Variants in GPC5 observed in about 807,000 individuals in gnomAD.
GPC5 encodes glypican-5.
A neutral mutation model predicts 53.9 loss-of-function variants in GPC5; 47 were observed. The observed-to-expected ratio is 0.87, with a 90% confidence interval of 0.69 to 1.11. GPC5 has a LOEUF of 1.11. GPC5 is among the 50% of genes most tolerant of loss of function. GPC5 has a pLI of 0.00. For missense variants in GPC5, 748 were observed against 713.1 expected (o/e 1.05, Z -0.56); for synonymous variants, 286 against 263.3 (o/e 1.09, Z -0.84).
chr13:92,758,490 G>C (rs1268129782), intron 7 of GPC5, among the ~76,000 whole-genome samples: 1 of 151,842 alleles, frequency 6.6e-6, no homozygotes, highest in Non-Finnish European at 1.5e-5. Flanking sequence ...ATAAAAAAAA[G>C]AATATTTTCT....
At chr13:92,535,225 T>C (rs750087138) in intron 7 of GPC5, among the ~76,000 whole-genome samples, 1 of 152,136 alleles carries the variant, frequency 6.6e-6, no homozygotes, top group African/African-American at 2.4e-5. Flanking sequence ...TGAGTCCATA[T>C]GTTTCTCATG....
intron 7 of GPC5, among the ~76,000 whole-genome samples, chr13:92,769,699 G>A (rs895261079): frequency 2.6e-5 from 4 of 152,186 alleles, no homozygotes; most frequent in Non-Finnish European, 5.9e-5. Flanking sequence ...CCATCCAGAT[G>A]TCAGAGAATG....
intron 7 of GPC5, among the ~76,000 whole-genome samples, chr13:92,770,869 G>A (rs1291332027): frequency 6.6e-6 from 1 of 152,152 alleles, no homozygotes; most frequent in Admixed American, 6.5e-5. Flanking sequence ...TGCCTGCGAG[G>A]TGTGGATAAA....
chr13:91,412,022 C>G (rs541164250), intron 1 of GPC5, among the ~76,000 whole-genome samples: 1 of 152,238 alleles, frequency 6.6e-6, no homozygotes, highest in Non-Finnish European at 1.5e-5. Flanking sequence ...CTTCCCCACC[C>G]TTTCCTCTTA....
intron 2 of GPC5, among the ~76,000 whole-genome samples, chr13:91,517,324 G>A (rs372842218): frequency 2.6e-5 from 4 of 152,010 alleles, no homozygotes; most frequent in South Asian, 4.2e-4. Context: ...CTTCCACCAC[G>A]CAAAGTGAAT....
At chr13:91,810,888 T>C (rs1489828325) in intron 5 of GPC5, among the ~76,000 whole-genome samples, 1 of 151,510 alleles carries the variant, frequency 6.6e-6, no homozygotes. Flanking sequence ...GGAACACCTT[T>C]CTTATTTCTT....
At chr13:92,008,086 G>A (rs2040624181) in intron 6 of GPC5, among the ~76,000 whole-genome samples, 2 of 136,788 alleles carry the variant, frequency 1.5e-5, no homozygotes, top group African/African-American at 2.6e-5. Flanking sequence ...TTTTTGAGAC[G>A]GAGTCTCGCT....
At position 92,645,590 on chromosome 13, in the gene GPC5, A is replaced by G. The variant is rs570043441; in HGVS notation, c.1562-220692A>G. Among the ~76,000 whole-genome samples, 12 of 152,330 alleles carry G rather than the reference A, an allele frequency of 7.9e-5. No individual in the cohort carries two copies. The South Asian group carries it at 2.5e-3, about 32-fold the overall frequency. On this transcript the variant is annotated intron_variant, in intron 7 of 7. Coordinates refer to ENST00000377067, the MANE Select transcript of GPC5 (RefSeq NM_004466.6). The stretch of plus-strand genomic sequence containing the variant: ...ATACAATAAGTGCATGTATGAATTT[A>G]TAACATAAAGTGCTAATCTGTTTTC...
intron 6 of GPC5, among the ~76,000 whole-genome samples, chr13:91,921,842 T>G (rs989762475): frequency 1.3e-5 from 2 of 151,288 alleles, no homozygotes; most frequent in South Asian, 4.2e-4. Flanking sequence ...GATGTGTGCC[T>G]GTAGTCCTAT....
chr13:92,736,484 G>A (rs976573900), intron 7 of GPC5, among the ~76,000 whole-genome samples: 5 of 151,750 alleles, frequency 3.3e-5, no homozygotes, highest in Non-Finnish European at 4.4e-5. Flanking sequence ...CTCCTTGTTC[G>A]AATCATTTTC....
At chr13:91,860,834 T>C (rs2039019990) in intron 5 of GPC5, among the ~76,000 whole-genome samples, 1 of 152,178 alleles carries the variant, frequency 6.6e-6, no homozygotes, top group Non-Finnish European at 1.5e-5. Flanking sequence ...CACTCATCTG[T>C]TGTTGGACCC....
At chr13:91,402,876 A>G (rs1419344871) in intron 1 of GPC5, among the ~76,000 whole-genome samples, 5 of 152,242 alleles carry the variant, frequency 3.3e-5, no homozygotes, top group Non-Finnish European at 7.3e-5. Context: ...CCGTTACATT[A>G]TGGTGAATAT....
chr13:91,448,890 T>G lies in GPC5; in HGVS notation c.293T>G (p.Phe98Cys). The G allele has an allele frequency of 6.2e-7, 1 of 1,613,366 alleles. No individual in the cohort carries two copies. The highest frequency in any genetic ancestry group is 8.5e-7 in the Non-Finnish European group (1 of 1,179,622). The part of the protein sequence containing the change: ...FLQTSSSTLK[F>C]LISRNAAAFQ... ...CAAACGTCCAGCTCTACATTAAAGT[T>G]TCTAATATCTCGAAATGCGGCTGCT... Residue 98 changes from phenylalanine to cysteine, a missense_variant, in exon 2 of 8, where the codon TTT (phenylalanine) becomes TGT (cysteine). By Grantham distance (205) the Phe-to-Cys change is radical (BLOSUM62 -2). Transcript: ENST00000377067.
At chr13:92,147,422 A>T (rs2041876143) in intron 7 of GPC5, among the ~76,000 whole-genome samples, 1 of 151,930 alleles carries the variant, frequency 6.6e-6, no homozygotes, top group South Asian at 2.1e-4. Context: ...TATAAATAGT[A>T]TATTTATAGG....
intron 2 of GPC5, among the ~76,000 whole-genome samples, chr13:91,508,429 C>T (rs1039026334): frequency 6.6e-6 from 1 of 152,094 alleles, no homozygotes; most frequent in Non-Finnish European, 1.5e-5. Flanking sequence ...GACAGGATGG[C>T]ATTGTACTGG....
intron 7 of GPC5, among the ~76,000 whole-genome samples, chr13:92,698,251 G>T (rs1041743619): frequency 1.3e-5 from 2 of 149,872 alleles, no homozygotes; most frequent in Non-Finnish European, 2.9e-5. Flanking sequence ...GTGCCATGTT[G>T]GTGTGCTGCA....
intron 2 of GPC5, among the ~76,000 whole-genome samples, chr13:91,552,117 T>C (rs2030674858): frequency 6.6e-6 from 1 of 152,078 alleles, no homozygotes; most frequent in Admixed American, 6.6e-5. Flanking sequence ...GTACTGTATT[T>C]CCTTGCTATT....
intron 7 of GPC5, among the ~76,000 whole-genome samples, chr13:92,562,914 TATGTACCCTAGCAGGGTAGCATAATA>T (rs1331902551): frequency 3.3e-5 from 5 of 151,960 alleles, no homozygotes; most frequent in East Asian, 3.9e-4. Context: ...ACCATCACAT[TATGTACCCTAGCAGGGTAGCATAATA>T]AAAGGGAAGC....
intron 7 of GPC5, among the ~76,000 whole-genome samples, chr13:92,789,119 A>G (rs1876367320): frequency 6.6e-6 from 1 of 152,084 alleles, no homozygotes; most frequent in Non-Finnish European, 1.5e-5. Context: ...TACCTTTTCC[A>G]TGTTCAGTCA....
Sources: allele counts gnomAD v4.1 joint callset (sites outside exome capture counted in the v4.1 genomes callset), GRCh38; gene constraint gnomAD v4.1.1; transcripts MANE v1.5; gene names NCBI Gene and HGNC (gene_info 2026-07-23, HGNC 2026-07-21).